ZNF444: variants seen among roughly 807,000 people sequenced by gnomAD.
The protein encoded by ZNF444 is endothelial zinc finger protein 2.
A neutral mutation model predicts 14.4 loss-of-function variants in ZNF444; 8 were observed. The ratio of observed to expected loss-of-function variants is 0.56; its 90% CI spans 0.33 to 1.00. The LOEUF (loss-of-function observed/expected upper bound fraction) is 1.00. ZNF444 is among the 50% of genes least tolerant of loss of function. The pLI is 0.03. For missense variants in ZNF444, 510 were observed against 504.8 expected (o/e 1.01, Z -0.10); for synonymous variants, 258 against 235.9 (o/e 1.09, Z -0.86).
upstream of ZNF444, among the ~76,000 whole-genome samples, chr19:56,140,729 C>G (rs968060729): frequency 2.0e-5 from 3 of 152,136 alleles, no homozygotes; most frequent in African/African-American, 7.2e-5. Context: ...AGCCTGCACT[C>G]CTGATTGGCG....
At chr19:56,146,163 G>A (rs2031168502) in intron 1 of ZNF444, 84 bp from the exon 2 acceptor site, 1 of 152,606 alleles carries the variant, frequency 6.6e-6, no homozygotes, top group Non-Finnish European at 1.5e-5. Context: ...GGCCCCACAA[G>A]TCCAGTGAGG....
intron 3 of ZNF444, among the ~76,000 whole-genome samples, chr19:56,153,996 G>A (rs1265896544): frequency 6.6e-6 from 1 of 152,212 alleles, no homozygotes; most frequent in Non-Finnish European, 1.5e-5. Flanking sequence ...TTGACTAGGA[G>A]GAAAACAAGA....
intron 1 of ZNF444, among the ~76,000 whole-genome samples, chr19:56,133,791 C>T (rs1173075594): frequency 8.1e-6 from 1 of 123,650 alleles, no homozygotes; most frequent in African/African-American, 3.3e-5. Context: ...CCAGCCTGGG[C>T]GACAGAGCAA....
In ZNF444 at chr19:56,147,157, C is replaced by T; in HGVS notation, c.246C>T (p.Ser82=). Residue 82 remains serine, a synonymous_variant, in exon 3 of 5, where the codon AGC becomes AGT. Transcript: ENST00000337080. This position sits in a 1 kb window ranked among gnomAD's most constrained non-coding sequence, Gnocchi z 5.9. ...CCGACACGCAGGCCTGGGTGTGCAGCCGGCAGCCGCAGAGCGGGGAGGAGG... is the reference window on the plus strand; with the variant it reads ...CCGACACGCAGGCCTGGGTGTGCAGTCGGCAGCCGCAGAGCGGGGAGGAGG... The part of the protein sequence containing the change: ...LPADTQAWVC[S]RQPQSGEEAV... 6.6e-7 allele frequency: 1 copy of T among 1,510,796 alleles called. No individual in the cohort carries two copies. The highest frequency in any genetic ancestry group is 2.5e-5 in the East Asian group (1 of 39,472). 93.6% of individuals were successfully genotyped at this position (1,510,796 alleles called of 1,614,324 possible). A position where few individuals can be genotyped will look rare whatever the true frequency, so the allele number is the denominator to read the frequency against.
At position 56,160,475 on chromosome 19, in the gene ZNF444, TCTC is replaced by T. The variant is rs1413326634; in HGVS notation, c.*280_*282del. ...TGTGTGAAGGGGCCTCTCCCTAATG[TCTC>T]CTCCTTCCCCCCTCTTCTCTCTCCT... On this transcript the variant is annotated 3_prime_UTR_variant, in exon 5 of 5. Coordinates refer to ENST00000337080, the MANE Select transcript of ZNF444 (RefSeq NM_018337.4). 1.0e-5 allele frequency: 4 copies of T among 399,662 alleles called. No homozygotes were observed. Among genetic ancestry groups the T allele is most frequent in the Non-Finnish European group, 1.8e-5 (4 of 224,368 alleles). 24.8% of individuals were successfully genotyped at this position (399,662 alleles called of 1,614,324 possible).
rs150630955 is a variant in ZNF444, at chr19:56,159,105, TACCCATCCATC to T, written c.407-510_407-500del. 3.4e-4 allele frequency among the ~76,000 whole-genome samples: 50 copies of T among 148,324 alleles called. No individual in the cohort carries two copies. The East Asian group carries it at 5.0e-3, about 15-fold the overall frequency. ...ATCATCCACCCATGCATTCATCATC[TACCCATCCATC>T]ACCCATCCGTCCATCTAGTCATCCA... is the stretch of plus-strand genomic sequence containing the variant. On this transcript the variant is annotated intron_variant, in intron 4 of 4. Transcript: ENST00000337080.
rs2031139493 is a variant in ZNF444 at position 56,145,728 on chromosome 19, C to T, written c.-196-519C>T. Among the ~76,000 whole-genome samples, 1 of 152,258 alleles carries T rather than the reference C, an allele frequency of 6.6e-6. No homozygotes were observed. ...CCCGACAGTGCTGGCACCCAGATCG[C>T]AAATTCCCAGCGGAAGGGACTGGGA... On this transcript the variant is annotated intron_variant, in intron 1 of 4. Transcript: ENST00000337080. The surrounding 1 kb of genome is among the most constrained non-coding windows in gnomAD (Gnocchi z 4.3).
chr19:56,158,134 A>G (rs2032021661), intron 3 of ZNF444: 1 of 187,238 alleles, frequency 5.3e-6, no homozygotes, highest in Non-Finnish European at 1.1e-5. Context: ...GTCACCCCAC[A>G]CTCAGGGGTG....
intron 3 of ZNF444, among the ~76,000 whole-genome samples, chr19:56,148,260 G>C (rs954849932): frequency 6.6e-6 from 1 of 152,318 alleles, no homozygotes; most frequent in Admixed American, 6.5e-5. Context: ...CAGGCCACGA[G>C]AGCAGCCAGT....
chr19:56,149,650 G>A (rs558686731), intron 3 of ZNF444, among the ~76,000 whole-genome samples: 14 of 151,242 alleles, frequency 9.3e-5, no homozygotes, highest in South Asian at 6.3e-4. Flanking sequence ...CCCACCCCCC[G>A]ACAGGCCCTG....
chr19:56,132,960 C>T (rs2030520912), intron 1 of ZNF444, among the ~76,000 whole-genome samples: 2 of 8,656 alleles, frequency 2.3e-4, no homozygotes, highest in Non-Finnish European at 2.0e-3. Flanking sequence ...TTTTTTGAGA[C>T]AGAGTCTCAC....
chr19:56,160,419 C>T lies in ZNF444; in HGVS notation c.*218C>T, dbSNP rs79646647. 2.1e-6 allele frequency: 1 copy of T among 482,598 alleles called. No individual in the cohort carries two copies. The highest frequency in any genetic ancestry group is 3.6e-6 in the Non-Finnish European group (1 of 276,954). 29.9% of individuals were successfully genotyped at this position (482,598 alleles called of 1,614,324 possible). A position where few individuals can be genotyped will look rare whatever the true frequency, so the allele number is the denominator to read the frequency against. Reference sequence around the variant, plus strand: ...CTTCTCAGGTCTCACCTCAGCCCCCCCCTTCTCCCTGATTTCTCGGCCTCT... The same window carrying T: ...CTTCTCAGGTCTCACCTCAGCCCCCTCCTTCTCCCTGATTTCTCGGCCTCT... On this transcript the variant is annotated 3_prime_UTR_variant, in exon 5 of 5. Coordinates refer to ENST00000337080, the MANE Select transcript of ZNF444 (RefSeq NM_018337.4).
Position 56,147,674 on chromosome 19 carries a change from G to A in ZNF444, c.297+466G>A, listed in dbSNP as rs10408574. On this transcript the variant is annotated intron_variant, in intron 3 of 4. Transcript: ENST00000337080. This position sits in a 1 kb window ranked among gnomAD's most constrained non-coding sequence, Gnocchi z 5.9. The stretch of plus-strand genomic sequence containing the variant: ...TCTGTGTGGCTGACCTCAGCCTCCC[G>A]CCCCCTGAAAGTCAAGGATACCCCC... Among the ~76,000 whole-genome samples, 1,459 of 152,090 alleles carry A rather than the reference G, an allele frequency of 9.6e-3. 18 individuals carry two copies. The highest frequency in any genetic ancestry group is 0.033 in the African/African-American group (1,372 of 41,474).
chr19:56,148,050 G>T (rs2031314209), intron 3 of ZNF444, among the ~76,000 whole-genome samples: 1 of 152,218 alleles, frequency 6.6e-6, no homozygotes, highest in Admixed American at 6.5e-5. Context: ...CCTGTCGGGG[G>T]ATGTGTTATG....
chr19:56,135,939 G>A (rs1056785535), intron 1 of ZNF444, among the ~76,000 whole-genome samples: 5 of 151,648 alleles, frequency 3.3e-5, no homozygotes, highest in Middle Eastern at 3.4e-3. Flanking sequence ...AATATTAGCC[G>A]GGTGTGGTGG....
At chr19:56,156,555 G>A (rs2031916941) in intron 3 of ZNF444, 2 of 152,328 alleles carry the variant, frequency 1.3e-5, no homozygotes, top group East Asian at 1.9e-4. Flanking sequence ...GGCCAGAGGT[G>A]GGGGAAGATT....
At chr19:56,155,871 C>T (rs931369733) in intron 3 of ZNF444, 3 of 152,240 alleles carry the variant, frequency 2.0e-5, no homozygotes, top group Non-Finnish European at 4.4e-5. Context: ...TCCTCTAATG[C>T]ATTTCCAACA....
upstream of ZNF444, among the ~76,000 whole-genome samples, chr19:56,137,876 C>T (rs1438180907): frequency 6.6e-6 from 1 of 152,086 alleles, no homozygotes; most frequent in Non-Finnish European, 1.5e-5. Flanking sequence ...AATCCCAGCA[C>T]TTTGGGAGGC....
In ZNF444 at chr19:56,159,954, G is replaced by T; in HGVS notation, c.737G>T (p.Arg246Leu). Residue 246 changes from arginine to leucine, a missense_variant, in exon 5 of 5, where the codon CGT becomes CTT. Transcript: ENST00000337080. The part of the protein sequence containing the change: ...PGPALRPLPA[R>L]EKPHACCECG... ...CCCGCGCTGCGCCCTCTGCCCGCCC[G>T]TGAGAAGCCCCACGCGTGCTGCGAG... The T allele has an allele frequency of 6.6e-7, 1 of 1,503,984 alleles. No individual in the cohort carries two copies. The highest frequency in any genetic ancestry group is 8.8e-7 in the Non-Finnish European group (1 of 1,131,852). 93.2% of individuals were successfully genotyped at this position (1,503,984 alleles called of 1,614,324 possible).
Sources: allele counts gnomAD v4.1 joint callset (sites outside exome capture counted in the v4.1 genomes callset), GRCh38; gene constraint gnomAD v4.1.1; non-coding constraint Gnocchi (gnomAD v3.1); transcripts MANE v1.5; gene names NCBI Gene and HGNC (gene_info 2026-07-23, HGNC 2026-07-21).